Variants in SLC24A2 observed in about 807,000 individuals in gnomAD.
The protein encoded by SLC24A2 is sodium/potassium/calcium exchanger 2.
In SLC24A2, 36 loss-of-function variants were observed where a neutral mutation model predicts 62.0. The ratio of observed to expected loss-of-function variants is 0.58; its 90% CI spans 0.44 to 0.77. The LOEUF is 0.77. Among genes scored for constraint, SLC24A2 ranks in the 30% least tolerant of loss-of-function variants. SLC24A2 has a pLI of 0.00. For missense variants in SLC24A2, 846 were observed against 817.9 expected, an observed-to-expected ratio of 1.03 and a Z score of -0.42; for synonymous variants, 358 against 294.0, an observed-to-expected ratio of 1.22 and a Z score of -2.23.
At chr9:19,903,454 T>A in the SLC24A2 span, among the ~76,000 whole-genome samples, 723 of 152,244 alleles carry the variant, frequency 4.7e-3, 15 homozygotes, top group East Asian at 0.04. Context: ...TACCACCACA[T>A]TGGGGATTAA....
At chr9:20,145,321 G>T in the SLC24A2 span, among the ~76,000 whole-genome samples, 4 of 151,902 alleles carry the variant, frequency 2.6e-5, no homozygotes, top group Admixed American at 2.0e-4. Flanking sequence ...TATAGTGGGG[G>T]ATATAACATG....
At chr9:19,673,516 T>C (rs1387249387) in intron 2 of SLC24A2, among the ~76,000 whole-genome samples, 3 of 152,220 alleles carry the variant, frequency 2.0e-5, no homozygotes, top group South Asian at 2.1e-4. Context: ...TGGCACGATA[T>C]CAGTTCACTG....
chr9:20,260,077 T>A, the SLC24A2 span, among the ~76,000 whole-genome samples: 1 of 152,206 alleles, frequency 6.6e-6, no homozygotes, highest in African/African-American at 2.4e-5. Context: ...AGTGAGACCC[T>A]GTCTCAAAAA....
At chr9:19,898,269 C>A in the SLC24A2 span, among the ~76,000 whole-genome samples, 1 of 152,176 alleles carries the variant, frequency 6.6e-6, no homozygotes, top group Non-Finnish European at 1.5e-5. Context: ...GCTCTGCAGC[C>A]AGGTATGTGT....
chr9:19,955,378 T>G, the SLC24A2 span, among the ~76,000 whole-genome samples: 1 of 32,364 alleles, frequency 3.1e-5, no homozygotes, highest in Non-Finnish European at 8.1e-5. Context: ...AATTCTCAGG[T>G]TTTTTTTTTT....
chr9:20,273,195 G>A, the SLC24A2 span, among the ~76,000 whole-genome samples: 1 of 152,198 alleles, frequency 6.6e-6, no homozygotes, highest in Admixed American at 6.5e-5. Flanking sequence ...TGAGAAGACA[G>A]CGTAAGCAGA....
chr9:20,105,410 A>G, the SLC24A2 span, among the ~76,000 whole-genome samples: 1 of 151,796 alleles, frequency 6.6e-6, no homozygotes, highest in Non-Finnish European at 1.5e-5. Context: ...TTTCAGCACC[A>G]CACCACACCT....
chr9:19,813,309 A>G, the SLC24A2 span, among the ~76,000 whole-genome samples: 2 of 136,770 alleles, frequency 1.5e-5, no homozygotes, highest in Non-Finnish European at 3.1e-5. Flanking sequence ...CTTCTCCATC[A>G]TCTTCCTCTT....
At chr9:19,897,771 T>C in the SLC24A2 span, among the ~76,000 whole-genome samples, 1 of 152,212 alleles carries the variant, frequency 6.6e-6, no homozygotes, top group Admixed American at 6.5e-5. Context: ...TTTGGTAATT[T>C]ACTGAACATC....
At chr9:20,298,090 A>C in the SLC24A2 span, among the ~76,000 whole-genome samples, 1 of 152,230 alleles carries the variant, frequency 6.6e-6, no homozygotes, top group African/African-American at 2.4e-5. Flanking sequence ...GGACAGCCAC[A>C]GAACTAGGTG....
chr9:20,281,392 A>G, the SLC24A2 span, among the ~76,000 whole-genome samples: 71,579 of 151,948 alleles, frequency 0.47, 17,144 homozygotes, highest in African/African-American at 0.56. Context: ...ATACATTTTC[A>G]CAACTGAACA....
At chr9:19,842,195 A>G in the SLC24A2 span, among the ~76,000 whole-genome samples, 1 of 152,228 alleles carries the variant, frequency 6.6e-6, no homozygotes, top group African/African-American at 2.4e-5. Context: ...ACCGCATCCA[A>G]GGACCCTCAG....
chr9:19,576,888 A>C (rs1337822185), intron 6 of SLC24A2, 36 bp downstream of exon 6: 1 of 1,518,962 alleles, frequency 6.6e-7, no homozygotes, highest in East Asian at 2.3e-5. Flanking sequence ...CGCTTCCCCC[A>C]GGAAAGGTAT....
At chr9:20,131,961 A>C in the SLC24A2 span, among the ~76,000 whole-genome samples, 5 of 152,168 alleles carry the variant, frequency 3.3e-5, no homozygotes, top group African/African-American at 1.2e-4. Context: ...TTATGTAATT[A>C]AGTGTAATTG....
At chr9:19,873,181 GTCCCTTCC>G in the SLC24A2 span, among the ~76,000 whole-genome samples, 26,146 of 151,148 alleles carry the variant, frequency 0.17, 2,644 homozygotes, top group African/African-American at 0.28. Flanking sequence ...TAAGTAAGGT[GTCCCTTCC>G]TCCCTTCCTC....
chr9:20,186,861 T>G, the SLC24A2 span, among the ~76,000 whole-genome samples: 1 of 152,222 alleles, frequency 6.6e-6, no homozygotes, highest in African/African-American at 2.4e-5. Flanking sequence ...ATAATTTTCC[T>G]TTAGCAATTA....
At chr9:19,523,670 C>T (rs2132645148) in intron 9 of SLC24A2, among the ~76,000 whole-genome samples, 1 of 152,248 alleles carries the variant, frequency 6.6e-6, no homozygotes, top group South Asian at 2.1e-4. Flanking sequence ...ACCACGTTGG[C>T]CAGGCTGGTC....
chr9:20,290,838 G>A, the SLC24A2 span, among the ~76,000 whole-genome samples: 1 of 152,242 alleles, frequency 6.6e-6, no homozygotes, highest in African/African-American at 2.4e-5. Flanking sequence ...GGAGTCCTCA[G>A]AGGCCATTGC....
the SLC24A2 span, among the ~76,000 whole-genome samples, chr9:20,185,002 C>A: frequency 2.0e-4 from 31 of 152,176 alleles, no homozygotes; most frequent in East Asian, 5.8e-3. Flanking sequence ...CACGGAAAAA[C>A]AAATACTCCA....
Sources: gnomAD v4.1 joint callset for allele counts (sites outside exome capture counted in the v4.1 genomes callset) on GRCh38, gnomAD v4.1.1 for gene constraint, MANE v1.5 for transcripts, NCBI Gene and HGNC (gene_info 2026-07-23, HGNC 2026-07-21) for gene names.